Variants in FBXO15 observed in about 807,000 individuals in gnomAD.
FBXO15 encodes the protein F-box only protein 15.
FBXO15 carries 30 observed loss-of-function variants against 49.5 expected under a neutral mutation model. The observed-to-expected ratio is 0.61, with a 90% CI of 0.45 to 0.82. The LOEUF is 0.82. Among genes scored for constraint, FBXO15 ranks in the 40% least tolerant of loss-of-function variants. The pLI is 0.00. For missense variants in FBXO15, 591 were observed against 631.5 expected, an observed-to-expected ratio of 0.94 and a Z score of 0.69; for synonymous variants, 250 against 232.7, an observed-to-expected ratio of 1.07 and a Z score of -0.68.
At chr18:74,132,806 T>C (rs2145208374) in intron 3 of FBXO15, among the ~76,000 whole-genome samples, 1 of 152,304 alleles carries the variant, frequency 6.6e-6, no homozygotes, top group South Asian at 2.1e-4. Flanking sequence ...TAAATAGTGT[T>C]TGCCAGAGTA....
intron 8 of FBXO15, among the ~76,000 whole-genome samples, chr18:74,104,414 TAGTA>T (rs933242291): frequency 2.6e-5 from 4 of 152,060 alleles, no homozygotes; most frequent in Admixed American, 6.6e-5. Flanking sequence ...AAAGTGGCAG[TAGTA>T]AGTGTTTCCT....
chr18:74,110,194 C>CATATATATAT (rs58739905), intron 8 of FBXO15, among the ~76,000 whole-genome samples: 3,649 of 143,550 alleles, frequency 0.025, 65 homozygotes, highest in Non-Finnish European at 0.032. Flanking sequence ...CATATGTGTG[C>CATATATATAT]ATATATATAT....
intron 8 of FBXO15, among the ~76,000 whole-genome samples, chr18:74,121,209 G>A (rs1481079218): frequency 6.6e-6 from 1 of 152,180 alleles, no homozygotes; most frequent in Non-Finnish European, 1.5e-5. Flanking sequence ...TCCAGGCTTG[G>A]ATGAATTCTA....
chr18:74,104,426 C>T (rs1913658181), intron 8 of FBXO15, among the ~76,000 whole-genome samples: 1 of 152,042 alleles, frequency 6.6e-6, no homozygotes, highest in African/African-American at 2.4e-5. Context: ...GTAAGTGTTT[C>T]CTTATCAGTA....
intron 5 of FBXO15, among the ~76,000 whole-genome samples, chr18:74,128,173 T>C (rs1462988868): frequency 1.3e-5 from 2 of 152,158 alleles, no homozygotes; most frequent in Non-Finnish European, 2.9e-5. Flanking sequence ...ACATTAAGAA[T>C]ATTTTTAGAG....
intron 4 of FBXO15, 151 bp downstream of exon 4, chr18:74,130,265 T>C (rs745404246): frequency 5.5e-6 from 6 of 1,087,526 alleles, no homozygotes; most frequent in Non-Finnish European, 6.4e-6. Context: ...CAGAAGGCTA[T>C]GCGGAATAGG....
At chr18:74,114,075 G>A (rs1914134030) in intron 8 of FBXO15, among the ~76,000 whole-genome samples, 1 of 152,206 alleles carries the variant, frequency 6.6e-6, no homozygotes, top group African/African-American at 2.4e-5. Flanking sequence ...ACCAGTAAGG[G>A]TGGTCCCTGT....
At chr18:74,095,076 A>G (rs1320238869) in intron 8 of FBXO15, among the ~76,000 whole-genome samples, 1 of 152,230 alleles carries the variant, frequency 6.6e-6, no homozygotes, top group Admixed American at 6.5e-5. Context: ...ACCTTTTATC[A>G]GCATTCACAG....
At chr18:74,104,280 C>T (rs1390143520) in intron 8 of FBXO15, among the ~76,000 whole-genome samples, 1 of 151,714 alleles carries the variant, frequency 6.6e-6, no homozygotes, top group African/African-American at 2.4e-5. Flanking sequence ...ATGAAAAAAC[C>T]TATTAATAGA....
rs545359891 is a variant in FBXO15 at position 74,092,023 on chromosome 18, A to G, written c.1139-9972T>C. ...CCATGTCTTTCAGGGAGGCCGATGCATCGTAGATTTGGTCTCTTTAATCCC... is the reference window on the plus strand; with the variant it reads ...CCATGTCTTTCAGGGAGGCCGATGCGTCGTAGATTTGGTCTCTTTAATCCC... On this transcript the variant is annotated intron_variant, in intron 8 of 9. Transcript: ENST00000419743. Among the ~76,000 whole-genome samples, 6 of 152,284 alleles carry G rather than the reference A, an allele frequency of 3.9e-5. No homozygotes were observed. In the South Asian group the frequency reaches 1.2e-3, roughly 32 times the overall value.
chr18:74,073,461 C>T lies in FBXO15; in HGVS notation c.1533G>A (p.Ter511=). ...KINHWFGTEY[*] is the part of the protein sequence containing the mutation. ...AACAACAATAATTTGCCACCTACTG[C>T]TAATATTCAGTCCCAAACCAATGGT... The change falls in exon 10 of 10, where the codon TAG becomes TAA. Residue 511 remains the stop codon, a stop_retained_variant. Transcript: ENST00000419743. 6.2e-7 allele frequency: 1 copy of T among 1,610,700 alleles called. No individual in the cohort carries two copies. The highest frequency in any genetic ancestry group is 2.2e-5 in the East Asian group (1 of 44,818).
chr18:74,135,269 G>A (rs1339373696), intron 3 of FBXO15, among the ~76,000 whole-genome samples: 3 of 152,132 alleles, frequency 2.0e-5, no homozygotes, highest in South Asian at 4.1e-4. Flanking sequence ...TATCCATTTC[G>A]CTCTCCCCAC....
chr18:74,091,510 GT>G (rs1011275006), intron 8 of FBXO15, among the ~76,000 whole-genome samples: 9 of 152,126 alleles, frequency 5.9e-5, no homozygotes, highest in African/African-American at 2.2e-4. Flanking sequence ...TACTTAATGT[GT>G]TTTTGTAGTG....
intron 6 of FBXO15, 47 bp from the exon 7 acceptor site, chr18:74,124,618 C>A (rs2145191545): frequency 6.6e-7 from 1 of 1,504,608 alleles, no homozygotes; most frequent in Non-Finnish European, 9.2e-7. Context: ...AAAATGCTTA[C>A]ATTTTTCACA....
intron 9 of FBXO15, among the ~76,000 whole-genome samples, chr18:74,080,381 C>T (rs757365987): frequency 3.0e-4 from 45 of 152,216 alleles, no homozygotes; most frequent in Non-Finnish European, 6.0e-4. Flanking sequence ...GGAGAAGGTA[C>T]AAGCTTTTGA....
At chr18:74,130,039 G>A (rs1024298055) in intron 4 of FBXO15, among the ~76,000 whole-genome samples, 1 of 152,018 alleles carries the variant, frequency 6.6e-6, no homozygotes, top group African/African-American at 2.4e-5. Flanking sequence ...TATATAAATG[G>A]CATAGTATGT....
intron 8 of FBXO15, among the ~76,000 whole-genome samples, chr18:74,100,762 C>A (rs1913480127): frequency 6.6e-6 from 1 of 152,020 alleles, no homozygotes; most frequent in Non-Finnish European, 1.5e-5. Flanking sequence ...AAAGATCATT[C>A]AAGGCTACTA....
intron 8 of FBXO15, among the ~76,000 whole-genome samples, chr18:74,096,223 G>A (rs1437741926): frequency 1.3e-5 from 2 of 152,058 alleles, no homozygotes; most frequent in Non-Finnish European, 2.9e-5. Context: ...GGAGAGGTGA[G>A]ACTATCATCC....
intron 8 of FBXO15, among the ~76,000 whole-genome samples, chr18:74,102,349 A>G (rs1913560699): frequency 6.6e-6 from 1 of 152,196 alleles, no homozygotes; most frequent in African/African-American, 2.4e-5. Flanking sequence ...CAAACACAAA[A>G]AAAATGCTCA....
Sources: gnomAD v4.1 joint callset for allele counts (sites outside exome capture counted in the v4.1 genomes callset) on GRCh38, gnomAD v4.1.1 for gene constraint, MANE v1.5 for transcripts, NCBI Gene and HGNC (gene_info 2026-07-23, HGNC 2026-07-21) for gene names.